NTM: variants seen among roughly 807,000 people sequenced by gnomAD.
NTM encodes the protein neurotrimin.
Under a neutral mutation model 42.1 loss-of-function variants are expected in NTM, and 13 were observed. The ratio of observed to expected loss-of-function variants is 0.31; its 90% CI spans 0.20 to 0.49. The LOEUF (loss-of-function observed/expected upper bound fraction) is 0.49. Ranked by LOEUF, NTM falls within the 20% of genes least tolerant of loss-of-function variation. The probability of loss-of-function intolerance (pLI) is 0.99; values close to 1 mark genes in which losing one functional copy is unlikely to be tolerated. For missense variants in NTM, 373 were observed against 452.8 expected (o/e 0.82, Z 1.60); for synonymous variants, 187 against 179.2 (o/e 1.04, Z -0.35).
intron 2 of NTM, among the ~76,000 whole-genome samples, chr11:131,914,079 C>T (rs2055817446): frequency 6.6e-6 from 1 of 152,190 alleles, no homozygotes. Flanking sequence ...AGCCCCTGAA[C>T]TCTCAAACAT....
At chr11:132,045,525 C>T (rs931104258) in intron 2 of NTM, among the ~76,000 whole-genome samples, 4 of 152,112 alleles carry the variant, frequency 2.6e-5, no homozygotes, top group Admixed American at 2.0e-4. Context: ...TATGGTCTTC[C>T]ATGCAAGTAT....
At chr11:131,760,810 C>A (rs570152395) in intron 1 of NTM, among the ~76,000 whole-genome samples, 3 of 152,250 alleles carry the variant, frequency 2.0e-5, no homozygotes, top group South Asian at 2.1e-4. Context: ...GCGGAGGGAG[C>A]TAAGGAAACC....
chr11:131,786,334 G>A (rs12573865), intron 1 of NTM, among the ~76,000 whole-genome samples: 58,843 of 151,940 alleles, frequency 0.39, 11,758 homozygotes, highest in East Asian at 0.56. Context: ...AGCTAAAAAC[G>A]TCACCTGTGC....
chr11:131,946,093 G>A (rs761787965), intron 2 of NTM, among the ~76,000 whole-genome samples: 3 of 152,144 alleles, frequency 2.0e-5, no homozygotes, highest in South Asian at 2.1e-4. Flanking sequence ...ATGAGAAAGC[G>A]ATCCCGGAAA....
chr11:132,318,295 C>T (rs2095482045), intron 7 of NTM, among the ~76,000 whole-genome samples: 1 of 152,130 alleles, frequency 6.6e-6, no homozygotes, highest in Non-Finnish European at 1.5e-5. Context: ...CTTTACAATA[C>T]AGTTGATCTA....
Position 132,100,329 on chromosome 11 carries a change from A to G in NTM, c.168-45953A>G, listed in dbSNP as rs141133078. 5.3e-3 allele frequency among the ~76,000 whole-genome samples: 805 copies of G among 152,292 alleles called. 11 individuals are homozygous for G. Among genetic ancestry groups the G allele is most frequent in the African/African-American group, 0.018 (755 of 41,556 alleles). The stretch of plus-strand genomic sequence containing the variant: ...AGTATGCACTGGATGTTGTTTTCCC[A>G]GATCAGGGATTGATTTGGAAGATGG... On this transcript the variant is annotated intron_variant, in intron 2 of 8. Coordinates refer to ENST00000683400, the MANE Select transcript of NTM (RefSeq NM_001352005.2).
intron 1 of NTM, among the ~76,000 whole-genome samples, chr11:131,686,549 G>T (rs899145051): frequency 6.6e-6 from 1 of 152,200 alleles, no homozygotes; most frequent in South Asian, 2.1e-4. Flanking sequence ...AATCGGTCCT[G>T]CTGTCTCAAG....
chr11:132,260,648 T>G (rs1177183804), intron 4 of NTM, among the ~76,000 whole-genome samples: 1 of 152,256 alleles, frequency 6.6e-6, no homozygotes, highest in African/African-American at 2.4e-5. Flanking sequence ...ACAACTAGAC[T>G]ATAAAATATT....
intron 1 of NTM, among the ~76,000 whole-genome samples, chr11:131,677,026 G>C (rs1198329938): frequency 1.3e-5 from 2 of 151,970 alleles, no homozygotes; most frequent in East Asian, 1.9e-4. Flanking sequence ...CTGATTGGTA[G>C]TGTTGGGCAC....
chr11:131,724,419 G>A (rs1453519670), intron 1 of NTM, among the ~76,000 whole-genome samples: 1 of 152,138 alleles, frequency 6.6e-6, no homozygotes, highest in Non-Finnish European at 1.5e-5. Context: ...GTGCTGTCTG[G>A]CCCTACTCTC....
At chr11:131,410,560 A>G (rs1946294106) in intron 1 of NTM, among the ~76,000 whole-genome samples, 1 of 146,726 alleles carries the variant, frequency 6.8e-6, no homozygotes, top group Admixed American at 6.8e-5. Flanking sequence ...AGGACAGAGG[A>G]AGTCATTTCG....
At chr11:132,061,596 A>G (rs555093110) in intron 2 of NTM, among the ~76,000 whole-genome samples, 125 of 152,324 alleles carry the variant, frequency 8.2e-4, no homozygotes, top group African/African-American at 2.9e-3. Flanking sequence ...ATGCATGGTG[A>G]TCTAATAGCA....
chr11:131,982,001 G>T (rs1470053240), intron 2 of NTM, among the ~76,000 whole-genome samples: 1 of 151,594 alleles, frequency 6.6e-6, no homozygotes, highest in African/African-American at 2.4e-5. Flanking sequence ...GACAGAGCGG[G>T]ACTCCATCTC....
At chr11:131,890,365 T>C (rs528739593) in intron 1 of NTM, among the ~76,000 whole-genome samples, 2 of 152,310 alleles carry the variant, frequency 1.3e-5, no homozygotes, top group Non-Finnish European at 2.9e-5. Flanking sequence ...TGCTCATGAC[T>C]GCAATTAATT....
At chr11:132,169,839 C>T (rs1402059191) in intron 3 of NTM, among the ~76,000 whole-genome samples, 1 of 152,204 alleles carries the variant, frequency 6.6e-6, no homozygotes, top group Admixed American at 6.5e-5. Context: ...ATCTCCCTGT[C>T]TGACTTCTGT....
At chr11:131,683,349 A>C (rs917155666) in intron 1 of NTM, among the ~76,000 whole-genome samples, 1 of 152,194 alleles carries the variant, frequency 6.6e-6, no homozygotes, top group African/African-American at 2.4e-5. Context: ...GCAGCGGGGC[A>C]CTGTGCAGGG....
At chr11:131,523,755 C>A (rs1363998388) in intron 1 of NTM, among the ~76,000 whole-genome samples, 1 of 138,842 alleles carries the variant, frequency 7.2e-6, no homozygotes, top group Non-Finnish European at 1.5e-5. Flanking sequence ...TGCACTCTAG[C>A]CTGGCTGACA....
chr11:131,747,684 C>G (rs559659743), intron 1 of NTM, among the ~76,000 whole-genome samples: 2 of 152,284 alleles, frequency 1.3e-5, no homozygotes, highest in South Asian at 4.2e-4. Flanking sequence ...ATCCAGAGAG[C>G]CTTGTATCAC....
intron 1 of NTM, among the ~76,000 whole-genome samples, chr11:131,496,766 C>T (rs1162818748): frequency 6.6e-6 from 1 of 152,218 alleles, no homozygotes; most frequent in East Asian, 1.9e-4. Flanking sequence ...GGCATGCTGG[C>T]CCAGACAGCA....
Sources: gnomAD v4.1 joint callset for allele counts (sites outside exome capture counted in the v4.1 genomes callset) on GRCh38, gnomAD v4.1.1 for gene constraint, MANE v1.5 for transcripts, NCBI Gene and HGNC (gene_info 2026-07-23, HGNC 2026-07-21) for gene names.